The following SLC4A10 variants were observed in gnomAD, a reference collection of about 807,000 sequenced individuals.
SLC4A10 encodes the protein sodium-driven chloride bicarbonate exchanger.
A neutral mutation model predicts 137.7 loss-of-function variants in SLC4A10; 42 were observed. The ratio of observed to expected loss-of-function variants is 0.30; its 90% CI spans 0.24 to 0.39. The LOEUF is 0.39. Among genes scored for constraint, SLC4A10 ranks in the 10% least tolerant of loss-of-function variants. The pLI, the probability that SLC4A10 is intolerant of heterozygous loss-of-function variation, is 1.00. For synonymous variants in SLC4A10, 474 were observed against 464.1 expected (o/e 1.02, Z -0.27); for missense variants, 925 against 1,355.0 (o/e 0.68, Z 4.98).
At chr2:161,771,082 T>C (rs1219106566) in intron 2 of SLC4A10, 28 bp downstream of exon 2, 1 of 1,457,802 alleles carries the variant, frequency 6.9e-7, no homozygotes. Flanking sequence ...GGGATAGCTA[T>C]TGGTGTGCTT....
chr2:161,954,029 G>C (rs1216315298), intron 19 of SLC4A10, among the ~76,000 whole-genome samples: 1 of 152,050 alleles, frequency 6.6e-6, no homozygotes, highest in African/African-American at 2.4e-5. Context: ...ACAACTGTGG[G>C]CTTTTCTACA....
chr2:161,803,098 C>A (rs1366218178), intron 2 of SLC4A10, among the ~76,000 whole-genome samples: 1 of 152,050 alleles, frequency 6.6e-6, no homozygotes. Flanking sequence ...ATACAACACT[C>A]TCCTATACAT....
At chr2:161,829,848 G>C (rs969249931) in intron 3 of SLC4A10, among the ~76,000 whole-genome samples, 6 of 152,024 alleles carry the variant, frequency 3.9e-5, no homozygotes, top group African/African-American at 1.4e-4. Flanking sequence ...ATCTTACATG[G>C]CAGCAGACAA....
chr2:161,723,105 T>G (rs1319713248), intron 1 of SLC4A10, among the ~76,000 whole-genome samples: 2 of 152,162 alleles, frequency 1.3e-5, no homozygotes, highest in African/African-American at 4.8e-5. Flanking sequence ...CTCTCCAGCC[T>G]GCTGCCCGTG....
chr2:161,835,982 A>C (rs1347660705), intron 3 of SLC4A10, among the ~76,000 whole-genome samples: 3 of 152,190 alleles, frequency 2.0e-5, no homozygotes. Context: ...TAGTGACCTT[A>C]AGTAAAGACA....
At chr2:161,744,158 G>T (rs1367755860) in intron 1 of SLC4A10, among the ~76,000 whole-genome samples, 1 of 151,928 alleles carries the variant, frequency 6.6e-6, no homozygotes, top group Non-Finnish European at 1.5e-5. Flanking sequence ...AGGACTTCCA[G>T]TACTATGGTG....
intron 1 of SLC4A10, among the ~76,000 whole-genome samples, chr2:161,763,489 G>C (rs943304533): frequency 2.0e-5 from 3 of 152,076 alleles, no homozygotes; most frequent in African/African-American, 7.2e-5. Context: ...AAATCAACTA[G>C]GGTTCATGAA....
At chr2:161,894,596 G>T in intron 10 of SLC4A10, 83 bp from the exon 11 acceptor site, 1 of 662,738 alleles carries the variant, frequency 1.5e-6, no homozygotes, top group Non-Finnish European at 2.1e-6. Context: ...TCACATGTGA[G>T]ATAACTGAGT....
At chr2:161,847,997 G>A (rs534828936) in intron 4 of SLC4A10, among the ~76,000 whole-genome samples, 1 of 152,288 alleles carries the variant, frequency 6.6e-6, no homozygotes, top group African/African-American at 2.4e-5. Flanking sequence ...CACCAGCAAT[G>A]TATAAGCATT....
intron 15 of SLC4A10, among the ~76,000 whole-genome samples, chr2:161,939,686 GT>G (rs1318154661): frequency 2.0e-5 from 3 of 151,896 alleles, no homozygotes; most frequent in Non-Finnish European, 4.4e-5. Flanking sequence ...GTAACCATGG[GT>G]AAGTGTTAAG....
chr2:161,784,023 C>T (rs2053349790), intron 2 of SLC4A10, among the ~76,000 whole-genome samples: 1 of 150,728 alleles, frequency 6.6e-6, no homozygotes, highest in Non-Finnish European at 1.5e-5. Context: ...AATTTAGGCT[C>T]AATGTGAAAG....
chr2:161,815,105 T>A (rs942659738), intron 3 of SLC4A10, among the ~76,000 whole-genome samples: 16 of 152,124 alleles, frequency 1.1e-4, no homozygotes, highest in Non-Finnish European at 2.1e-4. Context: ...AAATGCAGAA[T>A]CTCAGGCCCC....
At chr2:161,673,419 A>G (rs577830166) in intron 1 of SLC4A10, among the ~76,000 whole-genome samples, 1 of 152,282 alleles carries the variant, frequency 6.6e-6, no homozygotes, top group Non-Finnish European at 1.5e-5. Flanking sequence ...AAAAAAGAGA[A>G]GTTAGCATTA....
chr2:161,774,386 TTTTA>T (rs1490756303), intron 2 of SLC4A10, among the ~76,000 whole-genome samples: 1 of 151,858 alleles, frequency 6.6e-6, no homozygotes, highest in African/African-American at 2.4e-5. Context: ...CATGCAATAT[TTTTA>T]TTTATTATTT....
At position 161,930,153 on chromosome 2, in the gene SLC4A10, A is replaced by G. The variant is rs183502799; in HGVS notation, c.1998-12639A>G. On this transcript the variant is annotated intron_variant, in intron 15 of 26. Coordinates refer to ENST00000446997, the MANE Select transcript of SLC4A10 (RefSeq NM_001178015.2). ...GGTAAATTTAGACTGGAAATAAGGT[A>G]ATATTAAGTAAGAGAAGCTTCGTTT... is the stretch of plus-strand genomic sequence containing the variant. Among the ~76,000 whole-genome samples, 310 of 152,326 alleles carry G rather than the reference A, an allele frequency of 2.0e-3. 1 individual carries two copies. The highest frequency in any genetic ancestry group is 3.0e-3 in the Non-Finnish European group (207 of 68,026).
intron 1 of SLC4A10, among the ~76,000 whole-genome samples, chr2:161,645,252 T>C (rs192631910): frequency 1.3e-5 from 2 of 152,138 alleles, no homozygotes; most frequent in Non-Finnish European, 2.9e-5. Flanking sequence ...CTTGGCTTTA[T>C]ATGTTCCCAT....
rs1383166604 is a variant in SLC4A10, at chr2:161,957,127, T to A, written c.2680T>A (p.Cys894Ser). ...CAATAGCCTAAAACTGGAATCAGAA[T>A]GCTCAGCTCCAGGAGAACAACCCAA... Reference protein sequence around the residue: ...HVNSLKLESECSAPGEQPKFL... With the variant: ...HVNSLKLESESSAPGEQPKFL... Residue 894 changes from cysteine to serine, a missense_variant, in exon 20 of 27, where the codon TGC becomes AGC. This residue lies in a region of SLC4A10 where 115 missense variants were observed against 237.5 expected (regional missense o/e 0.48). Transcript: ENST00000446997. 1 of 1,613,644 alleles carries A rather than the reference T, an allele frequency of 6.2e-7. No individual in the cohort carries two copies. The highest frequency in any genetic ancestry group is 1.7e-5 in the Admixed American group (1 of 59,950).
At chr2:161,973,799 A>G (rs1698954618) in intron 23 of SLC4A10, among the ~76,000 whole-genome samples, 1 of 152,186 alleles carries the variant, frequency 6.6e-6, no homozygotes, top group African/African-American at 2.4e-5. Flanking sequence ...GGATATTGCT[A>G]ACAAGCCCAT....
At chr2:161,734,038 T>C (rs746908802) in intron 1 of SLC4A10, among the ~76,000 whole-genome samples, 46 of 152,234 alleles carry the variant, frequency 3.0e-4, no homozygotes, top group Non-Finnish European at 6.0e-4. Context: ...TAGCTTGCTT[T>C]TGATTTTACG....
Sources: allele counts gnomAD v4.1 joint callset (sites outside exome capture counted in the v4.1 genomes callset), GRCh38; gene constraint gnomAD v4.1.1; regional missense constraint gnomAD v4.1.1; transcripts MANE v1.5; gene names NCBI Gene and HGNC (gene_info 2026-07-23, HGNC 2026-07-21).